SLC16A1: variants seen among roughly 807,000 people sequenced by gnomAD.
SLC16A1 encodes the protein solute carrier family 16 member 1.
A neutral mutation model predicts 32.2 loss-of-function variants in SLC16A1; 11 were observed. The observed-to-expected ratio is 0.34, with a 90% CI of 0.21 to 0.56. The LOEUF (loss-of-function observed/expected upper bound fraction) is 0.56, where lower values mean the gene tolerates loss of function less well. SLC16A1 is among the 20% of genes least tolerant of loss of function. The pLI is 0.87. For missense variants in SLC16A1, 435 were observed against 615.0 expected, an observed-to-expected ratio of 0.71 and a Z score of 3.10; for synonymous variants, 231 against 226.8, an observed-to-expected ratio of 1.02 and a Z score of -0.17.
chr1:112,913,758 T>C lies in SLC16A1; in HGVS notation c.*133A>G. The stretch of plus-strand genomic sequence containing the variant: ...AGGAGTCAAACAAAAATCCCATCAA[T>C]GAACAACTGGTATGATTTCCACACA... On this transcript the variant is annotated 3_prime_UTR_variant, in exon 5 of 5. Coordinates refer to ENST00000369626, the MANE Select transcript of SLC16A1 (RefSeq NM_003051.4). The C allele has an allele frequency of 8.8e-7, 1 of 1,141,182 alleles. No homozygotes were observed. Among genetic ancestry groups the C allele is most frequent in the South Asian group, 1.3e-5 (1 of 78,402 alleles). The allele number at this position is 1,141,182 out of a possible 1,614,324, so 70.7% of individuals were successfully genotyped here. A position where few individuals can be genotyped will look rare whatever the true frequency, so the allele number is the denominator to read the frequency against.
At chr1:112,927,345 T>C (rs958795561) in intron 2 of SLC16A1, among the ~76,000 whole-genome samples, 66 of 151,626 alleles carry the variant, frequency 4.4e-4, no homozygotes, top group African/African-American at 1.6e-3. Context: ...GTAAGATCTC[T>C]TCCCCGCAAA....
intron 1 of SLC16A1, among the ~76,000 whole-genome samples, chr1:112,942,343 C>T (rs1444704041): frequency 6.6e-6 from 1 of 152,182 alleles, no homozygotes; most frequent in Admixed American, 6.5e-5. Context: ...CCAACTGAGT[C>T]AGCTGAGCAA....
intron 1 of SLC16A1, among the ~76,000 whole-genome samples, chr1:112,931,784 A>G (rs749068460): frequency 6.6e-6 from 1 of 152,034 alleles, no homozygotes; most frequent in Non-Finnish European, 1.5e-5. Context: ...AGATTTTAAT[A>G]AGGGGCAGGT....
intron 1 of SLC16A1, among the ~76,000 whole-genome samples, chr1:112,940,246 C>G (rs1370806106): frequency 6.6e-6 from 1 of 151,852 alleles, no homozygotes; most frequent in Non-Finnish European, 1.5e-5. Flanking sequence ...CCGTGTTTCA[C>G]AGGCTGGTCT....
At position 112,929,100 on chromosome 1, in the gene SLC16A1, T is replaced by C. The variant is rs749030678; in HGVS notation, c.209A>G (p.Tyr70Cys). ...WISSIMLAVMYGGGPISSILV... is the reference protein window; with the variant it reads ...WISSIMLAVMCGGGPISSILV... ...CCTTAATGGGTACTTACCTCCACCA[T>C]ACATGACAGCCAACATTATGGAGGA... The change falls in exon 2 of 5, where the codon TAT becomes TGT. Residue 70 changes from tyrosine (Y) to cysteine (C), a missense_variant. Physicochemically the swap from Tyr to Cys is radical, Grantham distance 194 (BLOSUM62 -2). Coordinates refer to ENST00000369626, the MANE Select transcript of SLC16A1 (RefSeq NM_003051.4). 1 of 1,613,250 alleles carries C rather than the reference T, an allele frequency of 6.2e-7. No individual in the cohort carries two copies. Among genetic ancestry groups the C allele is most frequent in the Non-Finnish European group, 8.5e-7 (1 of 1,179,534 alleles).
intron 1 of SLC16A1, among the ~76,000 whole-genome samples, chr1:112,944,865 A>G (rs1048278366): frequency 6.6e-6 from 1 of 151,728 alleles, no homozygotes; most frequent in African/African-American, 2.4e-5. Context: ...GCTACTTTTT[A>G]TATTTTTAGT....
intron 4 of SLC16A1, 60 bp from the exon 5 acceptor site, chr1:112,914,225 C>T: frequency 6.3e-7 from 1 of 1,580,814 alleles, no homozygotes; most frequent in Admixed American, 1.7e-5. Flanking sequence ...TTTTTTCCCC[C>T]AAGCAAAGCT....
chr1:112,942,462 A>G (rs1557854392), intron 1 of SLC16A1, among the ~76,000 whole-genome samples: 1 of 152,258 alleles, frequency 6.6e-6, no homozygotes, highest in African/African-American at 2.4e-5. Context: ...ATGGGATTTA[A>G]CTACCAAATA....
intron 2 of SLC16A1, chr1:112,924,168 C>T (rs1001996970): frequency 2.0e-6 from 3 of 1,481,952 alleles, no homozygotes; most frequent in African/African-American, 1.4e-5. Flanking sequence ...GATGTACCAC[C>T]ACTCACAGCT....
chr1:112,948,006 G>A (rs1439936239), intron 1 of SLC16A1, among the ~76,000 whole-genome samples: 1 of 152,172 alleles, frequency 6.6e-6, no homozygotes, highest in Non-Finnish European at 1.5e-5. Context: ...ATCACCTGAG[G>A]TCAGGAGTTC....
At chr1:112,954,908 A>C (rs1425965867) in intron 1 of SLC16A1, among the ~76,000 whole-genome samples, 2 of 152,204 alleles carry the variant, frequency 1.3e-5, no homozygotes, top group African/African-American at 2.4e-5. Flanking sequence ...TTTAACACCT[A>C]ACTAAAAAAC....
intron 1 of SLC16A1, among the ~76,000 whole-genome samples, chr1:112,954,475 C>G (rs1650008058): frequency 6.6e-6 from 1 of 152,168 alleles, no homozygotes; most frequent in Admixed American, 6.5e-5. Flanking sequence ...CATTAGGATC[C>G]TTTCCAGGGC....
Position 112,929,154 on chromosome 1 carries a change from T to C in SLC16A1, c.155A>G (p.His52Arg). Reference protein sequence around the residue: ...VFFKEIEGIFHATTSEVSWIS... With the variant: ...VFFKEIEGIFRATTSEVSWIS... ...CCATGACACTTCGCTGGTGGTGGCA[T>C]GGAATATACCTTCAATCTCTTTGAA... is the stretch of plus-strand genomic sequence containing the variant. Residue 52 changes from histidine to arginine, a missense_variant, in exon 2 of 5, where the codon CAT becomes CGT. By Grantham distance (29) the His-to-Arg change is conservative. Coordinates refer to ENST00000369626, the MANE Select transcript of SLC16A1 (RefSeq NM_003051.4). The C allele has an allele frequency of 1.2e-6, 2 of 1,614,112 alleles. No individual in the cohort carries two copies. The highest frequency in any genetic ancestry group is 1.7e-6 in the Non-Finnish European group (2 of 1,180,016).
chr1:112,945,674 C>CA lies in SLC16A1; in HGVS notation c.-45+10360dup, dbSNP rs1034887310. On this transcript the variant is annotated intron_variant, in intron 1 of 4. Transcript: ENST00000369626. ...TGGGCGATGGAGCAAGACTCGGCCT[C>CA]AAAAAAAAAAAAGAAAAAAAAAAAT... Among the ~76,000 whole-genome samples the CA allele has an allele frequency of 8.6e-3, 815 of 94,940 alleles. 2 individuals are homozygous for CA. Among genetic ancestry groups the CA allele is most frequent in the African/African-American group, 0.024 (609 of 25,178 alleles). The allele number at this position is 94,940 out of a possible 152,430, so 62.3% of individuals were successfully genotyped here. A position where few individuals can be genotyped will look rare whatever the true frequency, so the allele number is the denominator to read the frequency against.
At chr1:112,926,283 A>C (rs1296684765) in intron 2 of SLC16A1, among the ~76,000 whole-genome samples, 1 of 152,206 alleles carries the variant, frequency 6.6e-6, no homozygotes, top group Non-Finnish European at 1.5e-5. Flanking sequence ...AAGTCTCTCT[A>C]AGGTGCTACA....
chr1:112,944,527 T>C (rs58920012), intron 1 of SLC16A1, among the ~76,000 whole-genome samples: 2,267 of 152,318 alleles, frequency 0.015, 46 homozygotes, highest in African/African-American at 0.051. Flanking sequence ...TTAAAAGATA[T>C]GTGTGAATAG....
At chr1:112,944,864 T>C (rs1048502278) in intron 1 of SLC16A1, among the ~76,000 whole-genome samples, 15 of 152,142 alleles carry the variant, frequency 9.9e-5, no homozygotes, top group Admixed American at 2.0e-4. Flanking sequence ...GGCTACTTTT[T>C]ATATTTTTAG....
intron 2 of SLC16A1, among the ~76,000 whole-genome samples, chr1:112,928,090 A>G (rs1246560120): frequency 6.6e-6 from 1 of 152,196 alleles, no homozygotes; most frequent in Non-Finnish European, 1.5e-5. Flanking sequence ...TTAATTTGAT[A>G]GACAAAATAG....
Position 112,913,874 on chromosome 1 carries a change from C to T in SLC16A1, c.*17G>A. Reference sequence around the variant, plus strand: ...CTGGGTCATGAACTGCTCAATTTACCCTTCAGCCCCATGGATTCAGACTGG... The same window carrying T: ...CTGGGTCATGAACTGCTCAATTTACTCTTCAGCCCCATGGATTCAGACTGG... On this transcript the variant is annotated 3_prime_UTR_variant, in exon 5 of 5. Coordinates refer to ENST00000369626, the MANE Select transcript of SLC16A1 (RefSeq NM_003051.4). 2 of 1,614,070 alleles carry T rather than the reference C, an allele frequency of 1.2e-6. No individual in the cohort carries two copies. Among genetic ancestry groups the T allele is most frequent in the African/African-American group, 1.3e-5 (1 of 75,034 alleles).
Sources: gnomAD v4.1 joint callset for allele counts (sites outside exome capture counted in the v4.1 genomes callset) on GRCh38, gnomAD v4.1.1 for gene constraint, MANE v1.5 for transcripts, NCBI Gene and HGNC (gene_info 2026-07-23, HGNC 2026-07-21) for gene names.